KCND2: variants seen among roughly 807,000 people sequenced by gnomAD.
The protein encoded by KCND2 is A-type voltage-gated potassium channel KCND2.
KCND2 carries 16 observed loss-of-function variants against 54.4 expected under a neutral mutation model. That is an observed-to-expected ratio of 0.29 (90% CI 0.20 to 0.45). KCND2 has a LOEUF of 0.45. KCND2 is among the 20% of genes least tolerant of loss of function. KCND2 has a pLI of 1.00. For missense variants in KCND2, 486 were observed against 824.2 expected, an observed-to-expected ratio of 0.59 and a Z score of 5.02; for synonymous variants, 317 against 310.7, an observed-to-expected ratio of 1.02 and a Z score of -0.21.
chr7:120,589,500 C>CA (rs1398765894), intron 1 of KCND2, among the ~76,000 whole-genome samples: 2 of 151,952 alleles, frequency 1.3e-5, no homozygotes, highest in Non-Finnish European at 2.9e-5. Flanking sequence ...AGGAGACAGA[C>CA]AGAGTCGCTA....
At chr7:120,674,967 T>A (rs1792039715) in intron 1 of KCND2, among the ~76,000 whole-genome samples, 1 of 152,026 alleles carries the variant, frequency 6.6e-6, no homozygotes, top group African/African-American at 2.4e-5. Context: ...AGTAGTTTTA[T>A]AATTACTATT....
intron 1 of KCND2, among the ~76,000 whole-genome samples, chr7:120,310,925 G>A (rs1338032487): frequency 7.2e-6 from 1 of 138,038 alleles, no homozygotes; most frequent in Non-Finnish European, 1.5e-5. Flanking sequence ...AACAGAGGGA[G>A]ACTCTGTCCA....
At chr7:120,342,328 A>G (rs532324434) in intron 1 of KCND2, among the ~76,000 whole-genome samples, 3 of 152,318 alleles carry the variant, frequency 2.0e-5, no homozygotes, top group South Asian at 2.1e-4. Context: ...CTGGCATAGA[A>G]TAAGCATTTG....
chr7:120,435,028 G>A (rs757287865), intron 1 of KCND2, among the ~76,000 whole-genome samples: 20 of 151,664 alleles, frequency 1.3e-4, no homozygotes, highest in Non-Finnish European at 2.7e-4. Context: ...ATCTGTAGGA[G>A]GAAAATATAA....
In KCND2 at chr7:120,745,907, G is replaced by A. The variant is rs749225363; in HGVS notation, c.1595G>A (p.Arg532Gln). 6.8e-6 allele frequency: 11 copies of A among 1,613,710 alleles called. No homozygotes were observed. The highest frequency in any genetic ancestry group is 3.3e-5 in the South Asian group (3 of 91,076). The part of the protein sequence containing the change: ...QQGVTSTCCS[R>Q]RHKKTFRIPN... The stretch of plus-strand genomic sequence containing the variant: ...GGAGTCACCAGCACCTGCTGTTCAC[G>A]ACGACACAAAAAAACTTTTCGCATC... The change falls in exon 5 of 6, where the codon CGA (arginine) becomes CAA (glutamine). Residue 532 changes from arginine to glutamine, a missense_variant. By Grantham distance (43) the Arg-to-Gln change is conservative. Transcript: ENST00000331113.
intron 1 of KCND2, among the ~76,000 whole-genome samples, chr7:120,295,160 G>A (rs996870416): frequency 1.3e-5 from 2 of 151,874 alleles, no homozygotes; most frequent in African/African-American, 4.8e-5. Context: ...CACCAGTTTA[G>A]TTCAGCTTTG....
intron 1 of KCND2, among the ~76,000 whole-genome samples, chr7:120,284,375 C>T (rs139054358): frequency 6.6e-6 from 1 of 152,094 alleles, no homozygotes; most frequent in Non-Finnish European, 1.5e-5. Context: ...CTGTCTAACC[C>T]TATACCATCT....
chr7:120,613,393 T>C (rs968877190), intron 1 of KCND2, among the ~76,000 whole-genome samples: 8 of 152,076 alleles, frequency 5.3e-5, no homozygotes, highest in African/African-American at 1.9e-4. Flanking sequence ...TAGCTGGGTG[T>C]AGTGGCGCAC....
At chr7:120,669,533 T>G (rs1791966485) in intron 1 of KCND2, among the ~76,000 whole-genome samples, 2 of 152,158 alleles carry the variant, frequency 1.3e-5, no homozygotes, top group South Asian at 4.1e-4. Context: ...AATAGGCTTC[T>G]CCACAGGTAA....
intron 1 of KCND2, among the ~76,000 whole-genome samples, chr7:120,675,189 G>T (rs547904828): frequency 2.6e-5 from 4 of 151,956 alleles, no homozygotes; most frequent in African/African-American, 9.6e-5. Flanking sequence ...AACTTCCTGG[G>T]TTTTTAACTT....
intron 1 of KCND2, among the ~76,000 whole-genome samples, chr7:120,354,717 G>A (rs1342456578): frequency 3.9e-5 from 6 of 152,176 alleles, no homozygotes; most frequent in Non-Finnish European, 1.5e-5. Flanking sequence ...CGCCACTGCG[G>A]CACTTCAGCT....
At chr7:120,438,435 T>C (rs574010725) in intron 1 of KCND2, among the ~76,000 whole-genome samples, 13 of 152,280 alleles carry the variant, frequency 8.5e-5, no homozygotes, top group African/African-American at 3.1e-4. Context: ...ATTTGAGTAA[T>C]ATTTTCCAAA....
chr7:120,349,119 T>C (rs576016517), intron 1 of KCND2, among the ~76,000 whole-genome samples: 4 of 152,298 alleles, frequency 2.6e-5, no homozygotes, highest in African/African-American at 9.6e-5. Context: ...GGGAAACTTA[T>C]ACTACTTGCA....
At chr7:120,324,782 G>A (rs1222672640) in intron 1 of KCND2, among the ~76,000 whole-genome samples, 6 of 152,024 alleles carry the variant, frequency 3.9e-5, no homozygotes, top group Middle Eastern at 3.4e-3. Flanking sequence ...TGGCAATGAG[G>A]GCTCTTTTTT....
At chr7:120,348,720 T>C (rs1166348613) in intron 1 of KCND2, among the ~76,000 whole-genome samples, 1 of 152,240 alleles carries the variant, frequency 6.6e-6, no homozygotes, top group Non-Finnish European at 1.5e-5. Context: ...TACTGTAAGA[T>C]AGGCTGCTGC....
chr7:120,282,143 A>G (rs543339384), intron 1 of KCND2, among the ~76,000 whole-genome samples: 2 of 152,240 alleles, frequency 1.3e-5, no homozygotes, highest in South Asian at 4.1e-4. Context: ...GAATCAACAT[A>G]GAAATATACT....
chr7:120,726,897 G>T (rs754748151), intron 1 of KCND2, among the ~76,000 whole-genome samples: 31 of 152,192 alleles, frequency 2.0e-4, no homozygotes, highest in Non-Finnish European at 4.1e-4. Flanking sequence ...AAAAGATAAT[G>T]TGAGAGATTG....
At chr7:120,589,931 A>G (rs1792648717) in intron 1 of KCND2, among the ~76,000 whole-genome samples, 1 of 152,210 alleles carries the variant, frequency 6.6e-6, no homozygotes, top group African/African-American at 2.4e-5. Flanking sequence ...ATGCACTTTC[A>G]GTCAGAAACA....
chr7:120,332,305 A>C (rs1800081150), intron 1 of KCND2, among the ~76,000 whole-genome samples: 1 of 152,100 alleles, frequency 6.6e-6, no homozygotes, highest in African/African-American at 2.4e-5. Flanking sequence ...CATAACTTTC[A>C]GTCTATTATG....
Sources: allele counts gnomAD v4.1 joint callset (sites outside exome capture counted in the v4.1 genomes callset), GRCh38; gene constraint gnomAD v4.1.1; transcripts MANE v1.5; gene names NCBI Gene and HGNC (gene_info 2026-07-23, HGNC 2026-07-21).